Variants in SYT16 observed in about 807,000 individuals in gnomAD.
The protein encoded by SYT16 is synaptotagmin 16, also known as synaptotagmin-16.
In SYT16, 42 loss-of-function variants were observed where a neutral mutation model predicts 61.4. The ratio of observed to expected loss-of-function variants is 0.68; its 90% CI spans 0.53 to 0.89. The LOEUF (loss-of-function observed/expected upper bound fraction) is 0.89, where lower values mean the gene tolerates loss of function less well. Among genes scored for constraint, SYT16 ranks in the 40% least tolerant of loss-of-function variants. SYT16 has a pLI of 0.00. For synonymous variants in SYT16, 314 were observed against 302.3 expected, an observed-to-expected ratio of 1.04 and a Z score of -0.40; for missense variants, 804 against 807.3, an observed-to-expected ratio of 1.00 and a Z score of 0.05.
chr14:61,885,966 T>G (rs1471546732), intron 1 of SYT16, among the ~76,000 whole-genome samples: 1 of 146,466 alleles, frequency 6.8e-6, no homozygotes, highest in Non-Finnish European at 1.5e-5. Context: ...CTGTGGCAAT[T>G]TTTTTTTTTT....
intron 1 of SYT16, among the ~76,000 whole-genome samples, chr14:61,852,735 A>C (rs547583319): frequency 6.6e-6 from 1 of 152,124 alleles, no homozygotes; most frequent in Admixed American, 6.6e-5. Flanking sequence ...TTGTTGGTGT[A>C]TAGGAATGCT....
intron 1 of SYT16, among the ~76,000 whole-genome samples, chr14:61,901,762 A>AATAATAATTATTATT (rs1010775490): frequency 2.4e-4 from 34 of 138,830 alleles, no homozygotes; most frequent in African/African-American, 1.0e-3. Context: ...TAATAATAAT[A>AATAATAATTATTATT]ATTATTATTA....
At chr14:61,875,344 AG>A (rs1228200133) in intron 1 of SYT16, among the ~76,000 whole-genome samples, 1 of 152,192 alleles carries the variant, frequency 6.6e-6, no homozygotes, top group African/African-American at 2.4e-5. Context: ...GTGAGGAATC[AG>A]GGAATCTTTG....
chr14:61,999,073 C>CT (rs2052885517), intron 3 of SYT16, among the ~76,000 whole-genome samples: 1 of 151,130 alleles, frequency 6.6e-6, no homozygotes, highest in Non-Finnish European at 1.5e-5. Context: ...GATTTTTTTC[C>CT]ATTTTTTTTT....
chr14:61,882,017 A>G (rs2047718176), intron 1 of SYT16, among the ~76,000 whole-genome samples: 1 of 152,158 alleles, frequency 6.6e-6, no homozygotes, highest in African/African-American at 2.4e-5. Context: ...CTGGCATGCC[A>G]TTATATTGAA....
At chr14:61,859,083 T>C (rs550446740) in intron 1 of SYT16, among the ~76,000 whole-genome samples, 1 of 151,816 alleles carries the variant, frequency 6.6e-6, no homozygotes, top group Admixed American at 6.6e-5. Context: ...ATGGTCTTGA[T>C]CTCCTGACCT....
At chr14:61,960,398 C>T (rs946736276) in intron 1 of SYT16, among the ~76,000 whole-genome samples, 5 of 152,082 alleles carry the variant, frequency 3.3e-5, no homozygotes, top group Non-Finnish European at 5.9e-5. Flanking sequence ...TTGTAGTTCT[C>T]ATAGTAGAGA....
chr14:61,925,920 A>G (rs2049518365), intron 1 of SYT16, among the ~76,000 whole-genome samples: 1 of 152,228 alleles, frequency 6.6e-6, no homozygotes, highest in South Asian at 2.1e-4. Context: ...ATCTAAGACC[A>G]GGGTCATGGT....
At chr14:61,821,505 A>G (rs1036510511) in intron 1 of SYT16, among the ~76,000 whole-genome samples, 4 of 152,140 alleles carry the variant, frequency 2.6e-5, no homozygotes, top group Non-Finnish European at 5.9e-5. Context: ...CAGATCCACT[A>G]CTGAGCTCAT....
intron 3 of SYT16, 70 bp from the exon 4 acceptor site, chr14:62,069,533 C>T (rs1220093217): frequency 7.0e-7 from 1 of 1,429,292 alleles, no homozygotes; most frequent in Admixed American, 1.8e-5. Context: ...TTCTGTTTTC[C>T]TGGAGAGTCT....
chr14:62,033,587 G>A (rs1408025700), intron 3 of SYT16, among the ~76,000 whole-genome samples: 6 of 152,124 alleles, frequency 3.9e-5, no homozygotes, highest in Admixed American at 2.0e-4. Flanking sequence ...GAGGTGGAAC[G>A]GAGAGGGACT....
chr14:61,996,283 GGATCATTTCTC>G lies in SYT16; in HGVS notation c.265_275del (p.Asp89MetfsTer3). On this transcript the variant is annotated frameshift_variant, in exon 3 of 8. Transcript: ENST00000683842. LOFTEE classifies it high-confidence loss of function. ...ATGCAAATTCCTTGTTTCTTGAAGT[GGATCATTTCTC>G]ATGTTGTAATAGTGATTTGCAGGAC... is the stretch of plus-strand genomic sequence containing the variant. The G allele has an allele frequency of 6.2e-7, 1 of 1,613,598 alleles. No individual in the cohort carries two copies. Among genetic ancestry groups the G allele is most frequent in the Non-Finnish European group, 8.5e-7 (1 of 1,179,644 alleles).
chr14:61,814,914 A>T (rs2045381385), intron 1 of SYT16, among the ~76,000 whole-genome samples: 1 of 152,194 alleles, frequency 6.6e-6, no homozygotes, highest in Non-Finnish European at 1.5e-5. Context: ...TAGCATGGAG[A>T]TGATTTTGAA....
At chr14:61,866,814 C>T (rs1195152913) in intron 1 of SYT16, among the ~76,000 whole-genome samples, 3 of 152,056 alleles carry the variant, frequency 2.0e-5, no homozygotes, top group Non-Finnish European at 4.4e-5. Context: ...CTGTGTTCTA[C>T]AGAAGAAATC....
At chr14:61,914,385 T>G (rs2049041672) in intron 1 of SYT16, among the ~76,000 whole-genome samples, 1 of 152,212 alleles carries the variant, frequency 6.6e-6, no homozygotes, top group Non-Finnish European at 1.5e-5. Flanking sequence ...TTCAGTCCCA[T>G]GCACACTATT....
At chr14:61,863,280 A>G (rs546916177) in intron 1 of SYT16, among the ~76,000 whole-genome samples, 3 of 148,794 alleles carry the variant, frequency 2.0e-5, no homozygotes, top group African/African-American at 7.5e-5. Context: ...CCTCTCCAGC[A>G]TTTGGTGTTG....
chr14:61,905,761 CT>C (rs869094269), intron 1 of SYT16, among the ~76,000 whole-genome samples: 6 of 2,602 alleles, frequency 2.3e-3, no homozygotes, highest in Admixed American at 3.6e-3. Flanking sequence ...TCTTCTTCTT[CT>C]TTTTTTTTTT....
chr14:62,024,836 G>A (rs1006308599), intron 3 of SYT16, among the ~76,000 whole-genome samples: 2 of 151,860 alleles, frequency 1.3e-5, no homozygotes, highest in African/African-American at 4.8e-5. Flanking sequence ...TCTTTTTACT[G>A]TTTCTATAAT....
At chr14:61,957,751 T>C (rs1044115225) in intron 1 of SYT16, among the ~76,000 whole-genome samples, 1 of 151,960 alleles carries the variant, frequency 6.6e-6, no homozygotes, top group African/African-American at 2.4e-5. Flanking sequence ...ATCAGGGAAA[T>C]TGGCCTCTAG....
Sources: allele counts gnomAD v4.1 joint callset (sites outside exome capture counted in the v4.1 genomes callset), GRCh38; gene constraint gnomAD v4.1.1; transcripts MANE v1.5; gene names NCBI Gene and HGNC (gene_info 2026-07-23, HGNC 2026-07-21).